The following CPNE4 variants were observed in gnomAD, a reference collection of about 807,000 sequenced individuals.
CPNE4 encodes the protein copine 4.
CPNE4 carries 25 observed loss-of-function variants against 67.9 expected under a neutral mutation model. The observed-to-expected ratio is 0.37, with a 90% confidence interval of 0.27 to 0.51. The LOEUF (loss-of-function observed/expected upper bound fraction) is 0.51. Among genes scored for constraint, CPNE4 ranks in the 20% least tolerant of loss-of-function variants. The probability of loss-of-function intolerance (pLI) is 0.93; values close to 1 mark genes in which losing one functional copy is unlikely to be tolerated. For missense variants in CPNE4, 464 were observed against 690.8 expected, an observed-to-expected ratio of 0.67 and a Z score of 3.68; for synonymous variants, 242 against 244.9, an observed-to-expected ratio of 0.99 and a Z score of 0.11.
At chr3:131,837,565 G>C (rs982194307) in intron 2 of CPNE4, among the ~76,000 whole-genome samples, 6 of 151,916 alleles carry the variant, frequency 3.9e-5, no homozygotes, top group African/African-American at 1.5e-4. Flanking sequence ...GATAACACAG[G>C]GAGATTTTTT....
At chr3:131,979,186 T>A (rs763685974) in intron 1 of CPNE4, among the ~76,000 whole-genome samples, 5 of 152,184 alleles carry the variant, frequency 3.3e-5, no homozygotes, top group African/African-American at 1.2e-4. Context: ...TGAAATGTTC[T>A]GTATATGTCT....
intron 1 of CPNE4, among the ~76,000 whole-genome samples, chr3:131,962,766 CT>C (rs1184985643): frequency 6.6e-6 from 1 of 151,752 alleles, no homozygotes; most frequent in Non-Finnish European, 1.5e-5. Flanking sequence ...ATACGTTTTC[CT>C]GAGAGAGAAA....
intron 2 of CPNE4, among the ~76,000 whole-genome samples, chr3:131,740,583 C>T (rs979849406): frequency 2.6e-5 from 4 of 152,184 alleles, no homozygotes; most frequent in Non-Finnish European, 5.9e-5. Flanking sequence ...TTCTCACCTT[C>T]CCCACTGTTG....
intron 1 of CPNE4, among the ~76,000 whole-genome samples, chr3:131,962,720 C>A (rs1461768292): frequency 7.8e-6 from 1 of 128,542 alleles, no homozygotes; most frequent in African/African-American, 3.5e-5. Flanking sequence ...ATCTGTGGAA[C>A]CCCAGAAACA....
intron 1 of CPNE4, 114 bp from the exon 2 acceptor site, chr3:131,905,558 A>T (rs1560575557): frequency 2.1e-5 from 19 of 894,996 alleles, no homozygotes; most frequent in Non-Finnish European, 3.2e-5. Flanking sequence ...AGTTTCAAAC[A>T]TTGAAGGTAT....
In CPNE4 at chr3:131,535,217, G is replaced by A. The variant is rs1403494542; in HGVS notation, c.1652C>T (p.Ser551Phe). The change falls in exon 16 of 16, where the codon TCT becomes TTT. Residue 551 changes from serine to phenylalanine, a missense_variant. Ser to Phe is a radical substitution (Grantham distance 155). Around this residue, in one of 6 missense-constraint regions of CPNE4, gnomAD observed 201 missense variants for 357.7 expected, o/e 0.56. Transcript: ENST00000429747. Reference protein sequence around the residue: ...KPKCSSEMYESSRTLAP With the variant: ...KPKCSSEMYEFSRTLAP ...AGTTCATGGTGCTAGTGTTCTGGAA[G>A]ATTCATACATTTCTGATGAACATTT... The A allele has an allele frequency of 5.6e-6, 9 of 1,613,122 alleles. No individual in the cohort carries two copies. The Admixed American group carries it at 6.7e-5, about 12-fold the overall frequency.
chr3:131,842,866 A>G (rs770365198), intron 2 of CPNE4, among the ~76,000 whole-genome samples: 29 of 152,346 alleles, frequency 1.9e-4, no homozygotes, highest in Non-Finnish European at 3.7e-4. Flanking sequence ...ATATAACTGA[A>G]AAGTGTTCCA....
intron 12 of CPNE4, 135 bp from the exon 13 acceptor site, chr3:131,552,626 T>A (rs1936244679): frequency 3.1e-6 from 2 of 645,984 alleles, no homozygotes; most frequent in African/African-American, 3.7e-5. Flanking sequence ...CAGGAACCAT[T>A]TCAAGCCTTT....
chr3:131,870,043 T>G (rs751675568), intron 2 of CPNE4, among the ~76,000 whole-genome samples: 6 of 151,976 alleles, frequency 3.9e-5, no homozygotes, highest in Admixed American at 3.9e-4. Flanking sequence ...TTGTTGTGGG[T>G]AGATAGGGAA....
chr3:131,784,866 A>G (rs1198705736), intron 2 of CPNE4, among the ~76,000 whole-genome samples: 2 of 152,160 alleles, frequency 1.3e-5, no homozygotes, highest in African/African-American at 4.8e-5. Context: ...TAATTAAAAA[A>G]TGGAATTATT....
intron 2 of CPNE4, among the ~76,000 whole-genome samples, chr3:131,799,934 TGTG>T (rs2084042377): frequency 6.7e-6 from 1 of 149,312 alleles, no homozygotes; most frequent in African/African-American, 2.5e-5. Context: ...TGTGTGTGTG[TGTG>T]TGTGTGTGTG....
rs554349871 is a variant in CPNE4, at chr3:131,885,587, T to A, written c.180+19677A>T. 5.7e-3 allele frequency among the ~76,000 whole-genome samples: 870 copies of A among 152,096 alleles called. 3 individuals carry two copies. Among genetic ancestry groups the A allele is most frequent in the Non-Finnish European group, 9.6e-3 (655 of 67,974 alleles). Reference sequence around the variant, plus strand: ...TTAAGTTTTAGGGTACATGTGCACATTGTGCAGGTTAGTTACATACGTATA... The same window carrying A: ...TTAAGTTTTAGGGTACATGTGCACAATGTGCAGGTTAGTTACATACGTATA... On this transcript the variant is annotated intron_variant, in intron 2 of 15. Transcript: ENST00000429747.
At chr3:131,717,357 C>T (rs779617879) in intron 3 of CPNE4, among the ~76,000 whole-genome samples, 43 of 151,574 alleles carry the variant, frequency 2.8e-4, no homozygotes, top group Non-Finnish European at 4.7e-4. Context: ...ATATATGGCA[C>T]GTTCAAAAAA....
chr3:131,644,832 C>A (rs1204284643), intron 7 of CPNE4, among the ~76,000 whole-genome samples: 1 of 152,162 alleles, frequency 6.6e-6, no homozygotes, highest in African/African-American at 2.4e-5. Flanking sequence ...GAAAGCTGGG[C>A]ACAATCTAAA....
intron 2 of CPNE4, among the ~76,000 whole-genome samples, chr3:131,802,353 C>A (rs945914877): frequency 1.3e-5 from 2 of 152,078 alleles, no homozygotes; most frequent in Non-Finnish European, 2.9e-5. Flanking sequence ...CAAGGTAATT[C>A]ATACAGAAAA....
chr3:131,926,145 G>T (rs2070887482), intron 1 of CPNE4, among the ~76,000 whole-genome samples: 1 of 152,130 alleles, frequency 6.6e-6, no homozygotes, highest in Admixed American at 6.6e-5. Context: ...ATTAACCATG[G>T]AGAATTTAGA....
intron 10 of CPNE4, among the ~76,000 whole-genome samples, chr3:131,566,009 G>GA (rs778838579): frequency 3.3e-5 from 5 of 151,868 alleles, no homozygotes; most frequent in Admixed American, 6.6e-5. Context: ...ATTTTCATGT[G>GA]ACATAGGGTA....
chr3:132,008,454 A>G (rs1389400477), intron 1 of CPNE4, among the ~76,000 whole-genome samples: 2 of 152,232 alleles, frequency 1.3e-5, no homozygotes, highest in Non-Finnish European at 2.9e-5. Flanking sequence ...TCCTATTTTA[A>G]GGACAAGGAA....
intron 7 of CPNE4, 77 bp from the exon 8 acceptor site, chr3:131,587,659 G>T: frequency 9.7e-7 from 1 of 1,032,642 alleles, no homozygotes. Context: ...TTAACTTTAG[G>T]AGAAAGAGTA....
Sources: allele counts gnomAD v4.1 joint callset (sites outside exome capture counted in the v4.1 genomes callset), GRCh38; gene constraint gnomAD v4.1.1; regional missense constraint gnomAD v4.1.1; transcripts MANE v1.5; gene names NCBI Gene and HGNC (gene_info 2026-07-23, HGNC 2026-07-21).